Variants in PRPF3 observed in about 807,000 individuals in gnomAD.
PRPF3 encodes the protein pre-mRNA processing factor 3.
PRPF3 carries 3 observed loss-of-function variants against 89.2 expected under a neutral mutation model. The observed-to-expected ratio is 0.03, with a 90% CI of 0.02 to 0.09. PRPF3 has a LOEUF of 0.09. PRPF3 is among the 10% of genes least tolerant of loss of function. The probability of loss-of-function intolerance (pLI) is 1.00; values close to 1 mark genes in which losing one functional copy is unlikely to be tolerated. For synonymous variants in PRPF3, 270 were observed against 289.1 expected (o/e 0.93, Z 0.67); for missense variants, 463 against 828.8 (o/e 0.56, Z 5.42).
chr1:150,341,174 A>C (rs1175205556), intron 9 of PRPF3, among the ~76,000 whole-genome samples: 1 of 151,294 alleles, frequency 6.6e-6, no homozygotes, highest in Non-Finnish European at 1.5e-5. Context: ...GAAGCTTTAC[A>C]TTTACAGTTC....
intron 8 of PRPF3, among the ~76,000 whole-genome samples, chr1:150,339,561 C>G (rs1436424875): frequency 6.6e-6 from 1 of 151,656 alleles, no homozygotes; most frequent in Non-Finnish European, 1.5e-5. Context: ...CTCAGCCTCC[C>G]AAGTAGCTGA....
chr1:150,323,858 C>T (rs1473346304), intron 1 of PRPF3, among the ~76,000 whole-genome samples: 1 of 146,942 alleles, frequency 6.8e-6, no homozygotes, highest in Non-Finnish European at 1.5e-5. Flanking sequence ...CTCACTGCAA[C>T]CTCTGCTGCC....
intron 3 of PRPF3, chr1:150,327,539 C>G (rs1572195217): frequency 1.0e-6 from 1 of 983,472 alleles, no homozygotes; most frequent in Non-Finnish European, 1.2e-6. Context: ...TGGGAGAGTC[C>G]TTTTTCTTGA....
chr1:150,352,733 G>T (rs1659069842), intron 15 of PRPF3, 100 bp from the exon 16 acceptor site: 1 of 1,297,042 alleles, frequency 7.7e-7, no homozygotes. Context: ...ACGTTCAGCT[G>T]GGCACATGTC....
chr1:150,321,815 T>G (rs982891512), intron 1 of PRPF3, among the ~76,000 whole-genome samples: 1 of 151,104 alleles, frequency 6.6e-6, no homozygotes, highest in African/African-American at 2.4e-5. Context: ...GTGAGGAGTT[T>G]AGGTAGAACA....
At chr1:150,336,457 A>T (rs1337448276) in intron 7 of PRPF3, among the ~76,000 whole-genome samples, 1 of 152,070 alleles carries the variant, frequency 6.6e-6, no homozygotes, top group Non-Finnish European at 1.5e-5. Context: ...ATTTAAAGCA[A>T]TGAATACTTT....
intron 3 of PRPF3, chr1:150,327,717 C>T (rs1330097165): frequency 2.7e-6 from 2 of 747,412 alleles, no homozygotes; most frequent in Middle Eastern, 6.7e-4. Context: ...GTTAAATTCA[C>T]CTTGCAAATT....
chr1:150,347,147 A>C (rs1658350035), intron 14 of PRPF3, among the ~76,000 whole-genome samples: 1 of 151,942 alleles, frequency 6.6e-6, no homozygotes, highest in Non-Finnish European at 1.5e-5. Context: ...CAGTGTCTAT[A>C]TTATATTATT....
intron 8 of PRPF3, among the ~76,000 whole-genome samples, chr1:150,338,928 T>C (rs1657353564): frequency 6.6e-6 from 1 of 152,218 alleles, no homozygotes; most frequent in South Asian, 2.1e-4. Flanking sequence ...GAATTCTTTT[T>C]GCTCTGTTAC....
intron 1 of PRPF3, among the ~76,000 whole-genome samples, chr1:150,322,943 CG>C (rs1392031097): frequency 6.7e-6 from 1 of 150,214 alleles, no homozygotes; most frequent in Non-Finnish European, 1.5e-5. Context: ...GGTGCGATCT[CG>C]GCTCACTGCA....
rs587606972 is a variant in PRPF3, at chr1:150,337,183, C to T, written c.1036-977C>T. Among the ~76,000 whole-genome samples, 8 of 151,682 alleles carry T rather than the reference C, an allele frequency of 5.3e-5. 1 individual carries two copies. The South Asian group carries it at 1.5e-3, about 28-fold the overall frequency. ...CCTGCTGAGTAGCTGGGACTATAGG[C>T]GCCCGCCACCACGCCCGGCTAATTT... On this transcript the variant is annotated intron_variant, in intron 7 of 15. Transcript: ENST00000324862.
intron 4 of PRPF3, among the ~76,000 whole-genome samples, chr1:150,329,296 T>C (rs1397353775): frequency 7.9e-5 from 12 of 152,122 alleles, no homozygotes; most frequent in Admixed American, 7.9e-4. Context: ...CCCAAATGGC[T>C]GGGATTACAG....
intron 15 of PRPF3, among the ~76,000 whole-genome samples, chr1:150,352,105 C>G (rs1295214894): frequency 6.6e-6 from 1 of 152,146 alleles, no homozygotes. Flanking sequence ...TAATTCTCTG[C>G]TGGTACCTGC....
intron 8 of PRPF3, among the ~76,000 whole-genome samples, chr1:150,338,648 G>C (rs1392134693): frequency 2.0e-5 from 3 of 152,080 alleles, no homozygotes; most frequent in Admixed American, 1.3e-4. Flanking sequence ...TCAAGTAGCT[G>C]GGACTACAGG....
At chr1:150,346,624 C>G (rs1409497071) in intron 14 of PRPF3, 133 bp downstream of exon 14, 3 of 900,028 alleles carry the variant, frequency 3.3e-6, no homozygotes, top group Non-Finnish European at 5.4e-6. Context: ...TTAGAAAGAC[C>G]CGTTTAGACT....
intron 15 of PRPF3, among the ~76,000 whole-genome samples, chr1:150,351,522 A>G (rs147716541): frequency 0.014 from 2,123 of 151,236 alleles, 55 homozygotes; most frequent in African/African-American, 0.049. Flanking sequence ...TTTTTTAGAG[A>G]TAGGGTCTTG....
chr1:150,323,487 T>G (rs893435558), intron 1 of PRPF3, among the ~76,000 whole-genome samples: 1 of 151,412 alleles, frequency 6.6e-6, no homozygotes, highest in Admixed American at 6.6e-5. Flanking sequence ...ACTACGAAAT[T>G]GGCCAGGCGT....
intron 7 of PRPF3, among the ~76,000 whole-genome samples, chr1:150,337,639 G>A (rs1475165999): frequency 2.0e-5 from 3 of 151,850 alleles, no homozygotes; most frequent in Non-Finnish European, 4.4e-5. Flanking sequence ...TGAGCCGGGC[G>A]TGGTGATGGG....
chr1:150,333,278 G>T, intron 6 of PRPF3, 79 bp downstream of exon 6: 1 of 1,490,408 alleles, frequency 6.7e-7, no homozygotes, highest in Non-Finnish European at 9.2e-7. Flanking sequence ...TTACTGATCT[G>T]GCTGGGCGCA....
Sources: allele counts gnomAD v4.1 joint callset (sites outside exome capture counted in the v4.1 genomes callset), GRCh38; gene constraint gnomAD v4.1.1; transcripts MANE v1.5; gene names NCBI Gene and HGNC (gene_info 2026-07-23, HGNC 2026-07-21).